AGAP1: variants seen among roughly 807,000 people sequenced by gnomAD.
AGAP1 encodes arf-GAP with GTPase, ANK repeat and PH domain-containing protein 1.
AGAP1 carries 29 observed loss-of-function variants against 105.3 expected under a neutral mutation model. The observed-to-expected ratio is 0.28, with a 90% CI of 0.21 to 0.38. The LOEUF is 0.38. AGAP1 is among the 10% of genes least tolerant of loss of function. The probability of loss-of-function intolerance (pLI) is 1.00; values close to 1 mark genes in which losing one functional copy is unlikely to be tolerated. For synonymous variants in AGAP1, 509 were observed against 485.9 expected (o/e 1.05, Z -0.63); for missense variants, 998 against 1,165.1 (o/e 0.86, Z 2.09).
intron 16 of AGAP1, among the ~76,000 whole-genome samples, chr2:236,068,377 A>C (rs1403694346): frequency 1.3e-5 from 2 of 151,544 alleles, no homozygotes; most frequent in African/African-American, 2.4e-5. Context: ...CTGTTGGCCA[A>C]CTCCCTCTCC....
chr2:235,516,565 C>G (rs1208578378), intron 1 of AGAP1, among the ~76,000 whole-genome samples: 2 of 152,184 alleles, frequency 1.3e-5, no homozygotes, highest in Non-Finnish European at 2.9e-5. Context: ...GTGCTTGGCA[C>G]CTGCAGCCTG....
intron 1 of AGAP1, among the ~76,000 whole-genome samples, chr2:235,687,587 G>C (rs1468350440): frequency 1.3e-5 from 2 of 152,186 alleles, no homozygotes; most frequent in African/African-American, 4.8e-5. Flanking sequence ...TAAACATGCA[G>C]ATAAAAACTT....
rs146293332 is a variant in AGAP1, at chr2:235,695,911, A to G, written c.164-13268A>G. ...CCAACCCCTCTGTGATGTAGTCTTC[A>G]AGTTTTATTCCCTTGGGTGCACCAG... On this transcript the variant is annotated intron_variant, in intron 1 of 17. Transcript: ENST00000304032. Among the ~76,000 whole-genome samples, 5 of 152,264 alleles carry G rather than the reference A, an allele frequency of 3.3e-5. No individual in the cohort carries two copies. In the East Asian group the frequency reaches 7.7e-4, roughly 24 times the overall value.
rs981003231 is a variant in AGAP1 at position 235,901,841 on chromosome 2, T to C, written c.1156-6897T>C. ...TTGCAGTGAGCCGAGATCACACCAC[T>C]GTACTCCAGCCTGGGCGACAGAGTG... On this transcript the variant is annotated intron_variant, in intron 10 of 17. Transcript: ENST00000304032. The surrounding 1 kb of genome is among the most constrained non-coding windows in gnomAD (Gnocchi z 4.3). Among the ~76,000 whole-genome samples the C allele has an allele frequency of 6.6e-6, 1 of 150,602 alleles. No homozygotes were observed. The highest frequency in any genetic ancestry group is 2.5e-5 in the African/African-American group (1 of 40,788).
chr2:235,696,491 A>G (rs758358162), intron 1 of AGAP1, among the ~76,000 whole-genome samples: 1 of 152,162 alleles, frequency 6.6e-6, no homozygotes, highest in Non-Finnish European at 1.5e-5. Context: ...CACGCTTTCC[A>G]GCCTGGATTG....
Position 235,799,457 on chromosome 2 carries a change from C to G in AGAP1, c.892C>G (p.Pro298Ala). 1.2e-6 allele frequency: 2 copies of G among 1,614,208 alleles called. No homozygotes were observed. The highest frequency in any genetic ancestry group is 1.7e-6 in the Non-Finnish European group (2 of 1,180,040). Residue 298 changes from proline (P) to alanine (A), a missense_variant, in exon 8 of 18, where the codon CCT (proline) becomes GCT (alanine). Pro to Ala is a conservative substitution (Grantham distance 27). Around this residue, in one of 3 missense-constraint regions of AGAP1, gnomAD observed 735 missense variants for 833.4 expected, o/e 0.88. Transcript: ENST00000304032. The surrounding 1 kb of genome is among the most constrained non-coding windows in gnomAD (Gnocchi z 5.0). ...CCAGAAGGAACTTCGGATCGATGTT[C>G]CTCCCACTGCCAACACGCCCACGCC... The part of the protein sequence containing the change: ...TSQKELRIDV[P>A]PTANTPTPVR...
chr2:235,749,276 C>G (rs544700928), intron 5 of AGAP1, among the ~76,000 whole-genome samples: 1 of 151,982 alleles, frequency 6.6e-6, no homozygotes, highest in South Asian at 2.1e-4. Context: ...TGTGGCTGTT[C>G]ACATTCCAGC....
chr2:235,869,527 G>T (rs1324340403), intron 9 of AGAP1, among the ~76,000 whole-genome samples: 2 of 151,606 alleles, frequency 1.3e-5, no homozygotes, highest in African/African-American at 2.4e-5. Context: ...CTTGAACCCA[G>T]GAGGTGGAGG....
Position 235,691,462 on chromosome 2 carries a change from G to T in AGAP1, c.164-17717G>T, listed in dbSNP as rs761188739. Reference sequence around the variant, plus strand: ...TTTAAAATCCGCTGAAGACTGTAAAGATACTCATTTGAGATGTGCCAACAT... The same window carrying T: ...TTTAAAATCCGCTGAAGACTGTAAATATACTCATTTGAGATGTGCCAACAT... On this transcript the variant is annotated intron_variant, in intron 1 of 17. Transcript: ENST00000304032. This position sits in a 1 kb window ranked among gnomAD's most constrained non-coding sequence, Gnocchi z 4.4. 1.3e-4 allele frequency among the ~76,000 whole-genome samples: 20 copies of T among 152,240 alleles called. No homozygotes were observed. The highest frequency in any genetic ancestry group is 2.2e-4 in the Non-Finnish European group (15 of 68,044).
chr2:235,683,072 C>T (rs1395414444), intron 1 of AGAP1, among the ~76,000 whole-genome samples: 6 of 152,038 alleles, frequency 3.9e-5, no homozygotes, highest in Non-Finnish European at 7.4e-5. Flanking sequence ...TTTGGGAGGC[C>T]GAGGTGGGCA....
At chr2:235,572,855 G>A (rs1360322803) in intron 1 of AGAP1, among the ~76,000 whole-genome samples, 1 of 152,170 alleles carries the variant, frequency 6.6e-6, no homozygotes, top group African/African-American at 2.4e-5. Flanking sequence ...GGACCAGCTC[G>A]GCTGCGGGAG....
At chr2:235,804,690 G>T (rs1469192610) in intron 8 of AGAP1, among the ~76,000 whole-genome samples, 1 of 152,190 alleles carries the variant, frequency 6.6e-6, no homozygotes, top group Admixed American at 6.5e-5. Context: ...GGTGATAATT[G>T]GATTACCTTA....
chr2:235,853,651 G>T (rs1205543711), intron 9 of AGAP1, among the ~76,000 whole-genome samples: 1 of 152,156 alleles, frequency 6.6e-6, no homozygotes, highest in East Asian at 1.9e-4. Context: ...AGTGATTTTG[G>T]ATGTTAATGA....
chr2:235,629,162 T>A (rs190925731), intron 1 of AGAP1, among the ~76,000 whole-genome samples: 1 of 152,114 alleles, frequency 6.6e-6, no homozygotes, highest in African/African-American at 2.4e-5. Context: ...AGAACAACAA[T>A]GTTTGGTTTT....
At chr2:235,527,276 C>T (rs1223598029) in intron 1 of AGAP1, among the ~76,000 whole-genome samples, 1 of 152,188 alleles carries the variant, frequency 6.6e-6, no homozygotes. Context: ...TGACCTAAAT[C>T]AAGCAGTTAT....
rs558869508 is a variant in AGAP1 at position 236,020,368 on chromosome 2, A to G, written c.1646-16193A>G. The stretch of plus-strand genomic sequence containing the variant: ...ATTTGAAAAGACGTGTTGCCCATGA[A>G]GCATAGGGGGGAATTTAGAAATGAA... On this transcript the variant is annotated intron_variant, in intron 13 of 17. Coordinates refer to ENST00000304032, the MANE Select transcript of AGAP1 (RefSeq NM_001037131.3). The surrounding 1 kb of genome is among the most constrained non-coding windows in gnomAD (Gnocchi z 5.0). Among the ~76,000 whole-genome samples, 1 of 152,350 alleles carries G rather than the reference A, an allele frequency of 6.6e-6. No individual in the cohort carries two copies. Among genetic ancestry groups the G allele is most frequent in the African/African-American group, 2.4e-5 (1 of 41,582 alleles).
intron 12 of AGAP1, among the ~76,000 whole-genome samples, chr2:235,949,724 A>G (rs1288581595): frequency 6.6e-6 from 1 of 152,162 alleles, no homozygotes; most frequent in Admixed American, 6.5e-5. Flanking sequence ...CAAAAGCAAA[A>G]CATGAGTTGG....
intron 1 of AGAP1, among the ~76,000 whole-genome samples, chr2:235,632,408 T>C (rs942644120): frequency 2.6e-5 from 4 of 152,154 alleles, no homozygotes; most frequent in African/African-American, 9.7e-5. Flanking sequence ...TCTGCCTGTG[T>C]GTTCCTCCAT....
At chr2:235,519,996 G>A (rs1357196848) in intron 1 of AGAP1, among the ~76,000 whole-genome samples, 1 of 152,134 alleles carries the variant, frequency 6.6e-6, no homozygotes, top group Non-Finnish European at 1.5e-5. Context: ...TGTCCAGGCT[G>A]GTTTCGAACT....
Sources: allele counts gnomAD v4.1 joint callset (sites outside exome capture counted in the v4.1 genomes callset), GRCh38; gene constraint gnomAD v4.1.1; regional missense constraint gnomAD v4.1.1; non-coding constraint Gnocchi (gnomAD v3.1); transcripts MANE v1.5; gene names NCBI Gene and HGNC (gene_info 2026-07-23, HGNC 2026-07-21).